CADPS: variants seen among roughly 807,000 people sequenced by gnomAD.
CADPS encodes calcium-dependent secretion activator 1.
A neutral mutation model predicts 167.3 loss-of-function variants in CADPS; 57 were observed. That is an observed-to-expected ratio of 0.34 (90% CI 0.28 to 0.42). The LOEUF is 0.42. CADPS is among the 20% of genes least tolerant of loss of function. The pLI is 1.00. For synonymous variants in CADPS, 676 were observed against 635.3 expected (o/e 1.06, Z -0.96); for missense variants, 1,414 against 1,738.1 (o/e 0.81, Z 3.32).
intron 20 of CADPS, among the ~76,000 whole-genome samples, 157 bp downstream of exon 20, chr3:62,492,133 C>T (rs964844918): frequency 3.3e-5 from 5 of 152,126 alleles, no homozygotes; most frequent in Non-Finnish European, 4.4e-5. Flanking sequence ...AGGGAATACC[C>T]TTCAGCTGTA....
intron 3 of CADPS, among the ~76,000 whole-genome samples, chr3:62,693,028 A>G (rs1344838309): frequency 2.8e-5 from 2 of 70,992 alleles, no homozygotes; most frequent in Non-Finnish European, 5.4e-5. Flanking sequence ...ATCGTTTACC[A>G]ATTTCTTGGC....
chr3:62,853,619 C>G (rs2079052004), intron 1 of CADPS, among the ~76,000 whole-genome samples: 1 of 111,990 alleles, frequency 8.9e-6, no homozygotes, highest in Admixed American at 9.7e-5. Flanking sequence ...GAGCAAAACT[C>G]CACTAAAAAA....
chr3:62,699,353 G>A (rs973589880), intron 3 of CADPS, among the ~76,000 whole-genome samples: 30 of 152,054 alleles, frequency 2.0e-4, no homozygotes, highest in Non-Finnish European at 2.8e-4. Flanking sequence ...GTTCTTCTTA[G>A]CTCTGGCTGC....
At chr3:62,654,298 G>A (rs1235824945) in intron 4 of CADPS, among the ~76,000 whole-genome samples, 2 of 152,154 alleles carry the variant, frequency 1.3e-5, no homozygotes, top group Non-Finnish European at 2.9e-5. Flanking sequence ...AGCTACTGGG[G>A]AGAAAGATCT....
At chr3:62,657,898 T>C (rs973061282) in intron 4 of CADPS, among the ~76,000 whole-genome samples, 5 of 152,064 alleles carry the variant, frequency 3.3e-5, no homozygotes, top group Admixed American at 6.6e-5. Context: ...CCCTACAATA[T>C]CTTTTCCAGA....
intron 6 of CADPS, among the ~76,000 whole-genome samples, chr3:62,599,797 A>AATATATATATT (rs373248925): frequency 9.4e-4 from 8 of 8,540 alleles, no homozygotes; most frequent in Admixed American, 5.1e-3. Flanking sequence ...TAATATATAT[A>AATATATATATT]ATATATAATA....
intron 3 of CADPS, among the ~76,000 whole-genome samples, chr3:62,698,828 C>T (rs11709341): frequency 0.47 from 68,632 of 146,176 alleles, 17,136 homozygotes; most frequent in East Asian, 0.86. Context: ...CAGCCTTGGC[C>T]TTCTGGGCTC....
chr3:62,666,764 A>G (rs2074489085), intron 3 of CADPS, among the ~76,000 whole-genome samples: 1 of 152,158 alleles, frequency 6.6e-6, no homozygotes, highest in South Asian at 2.1e-4. Context: ...CACCAGAGAC[A>G]ATTGTCTCTA....
rs766790318 is a variant in CADPS, at chr3:62,465,316, G to A, written c.3636+51C>T. 27 of 1,437,630 alleles carry A rather than the reference G, an allele frequency of 1.9e-5. No homozygotes were observed. The highest frequency in any genetic ancestry group is 1.8e-4 in the Middle Eastern group (1 of 5,572). The allele number at this position is 1,437,630 out of a possible 1,614,324, so 89.1% of individuals were successfully genotyped here. A position where few individuals can be genotyped will look rare whatever the true frequency, so the allele number is the denominator to read the frequency against. On this transcript the variant is annotated intron_variant, in intron 26 of 29. Transcript: ENST00000383710. The surrounding 1 kb of genome is among the most constrained non-coding windows in gnomAD (Gnocchi z 4.1). ...CACAACATAACTCCTCTCCCAAGCC[G>A]AAACCAAAAATTAAAACAAAAGCCA...
chr3:62,570,493 T>TA (rs1359272832), intron 9 of CADPS, among the ~76,000 whole-genome samples: 1 of 152,230 alleles, frequency 6.6e-6, no homozygotes, highest in Non-Finnish European at 1.5e-5. Flanking sequence ...AATGTCCCTA[T>TA]AGCCCTCACT....
At chr3:62,548,153 G>A (rs1173555176) in intron 11 of CADPS, among the ~76,000 whole-genome samples, 1 of 152,138 alleles carries the variant, frequency 6.6e-6, no homozygotes, top group Non-Finnish European at 1.5e-5. Flanking sequence ...ACGATAGGAT[G>A]TGTTGTTTCC....
Position 62,799,095 on chromosome 3 carries a change from T to C in CADPS, c.442-33111A>G, listed in dbSNP as rs577468039. Reference sequence around the variant, plus strand: ...CCCTCCTCTAGACAGCATATGTGTGTCATGTGTGCCTAACTTGCCCATGTT... The same window carrying C: ...CCCTCCTCTAGACAGCATATGTGTGCCATGTGTGCCTAACTTGCCCATGTT... On this transcript the variant is annotated intron_variant, in intron 1 of 29. Transcript: ENST00000383710. Among the ~76,000 whole-genome samples, 25 of 152,252 alleles carry C rather than the reference T, an allele frequency of 1.6e-4. 1 individual carries two copies. The South Asian group carries it at 5.2e-3, about 32-fold the overall frequency.
At chr3:62,583,775 G>A (rs2083970125) in intron 8 of CADPS, among the ~76,000 whole-genome samples, 1 of 9,926 alleles carries the variant, frequency 1.0e-4, no homozygotes, top group African/African-American at 1.1e-4. Context: ...CTGGAACCTT[G>A]GGCTTTTTTT....
At chr3:62,839,741 CA>C (rs1412970914) in intron 1 of CADPS, among the ~76,000 whole-genome samples, 1 of 152,156 alleles carries the variant, frequency 6.6e-6, no homozygotes, top group Non-Finnish European at 1.5e-5. Flanking sequence ...TGGAAAACGG[CA>C]AGAACCAGGG....
chr3:62,864,246 G>A (rs1359408287), intron 1 of CADPS, among the ~76,000 whole-genome samples: 1 of 152,124 alleles, frequency 6.6e-6, no homozygotes, highest in Non-Finnish European at 1.5e-5. Context: ...TAAATGTATG[G>A]GTCTGGCAGT....
At chr3:62,403,346 A>G (rs1373156257) in intron 28 of CADPS, 161 bp from the exon 29 acceptor site, 5 of 568,988 alleles carry the variant, frequency 8.8e-6, no homozygotes, top group Non-Finnish European at 1.6e-5. Context: ...TAGTTAGTTT[A>G]TACAAAATTG....
At chr3:62,496,424 C>T (rs566654089) in intron 18 of CADPS, among the ~76,000 whole-genome samples, 4 of 152,176 alleles carry the variant, frequency 2.6e-5, no homozygotes, top group Non-Finnish European at 4.4e-5. Flanking sequence ...CCCACTGTAC[C>T]TTGAAATGAA....
At chr3:62,586,877 A>C (rs955430153) in intron 7 of CADPS, among the ~76,000 whole-genome samples, 11 of 152,244 alleles carry the variant, frequency 7.2e-5, no homozygotes, top group Non-Finnish European at 1.3e-4. Context: ...TAAAGATTTA[A>C]AAATCTACAT....
chr3:62,536,724 T>C, intron 11 of CADPS, 143 bp from the exon 12 acceptor site: 4 of 770,570 alleles, frequency 5.2e-6, no homozygotes, highest in South Asian at 5.1e-5. Flanking sequence ...CCCCAAGATA[T>C]TCTTTTTACC....
Sources: gnomAD v4.1 joint callset for allele counts (sites outside exome capture counted in the v4.1 genomes callset) on GRCh38, gnomAD v4.1.1 for gene constraint, Gnocchi (gnomAD v3.1) non-coding constraint, MANE v1.5 for transcripts, NCBI Gene and HGNC (gene_info 2026-07-23, HGNC 2026-07-21) for gene names.